The following KCNMA1 variants were observed in gnomAD, a reference collection of about 807,000 sequenced individuals.
The protein encoded by KCNMA1 is potassium calcium-activated channel subfamily M alpha 1.
A neutral mutation model predicts 140.0 loss-of-function variants in KCNMA1; 29 were observed. The observed-to-expected ratio is 0.21, with a 90% CI of 0.15 to 0.28. The LOEUF (loss-of-function observed/expected upper bound fraction) is 0.28, where lower values mean the gene tolerates loss of function less well. KCNMA1 is among the 10% of genes least tolerant of loss of function. The pLI, the probability that KCNMA1 is intolerant of heterozygous loss-of-function variation, is 1.00. For missense variants in KCNMA1, 880 were observed against 1,602.2 expected, an observed-to-expected ratio of 0.55 and a Z score of 7.70; for synonymous variants, 612 against 611.9, an observed-to-expected ratio of 1.00 and a Z score of 0.00.
chr10:77,108,464 C>T lies in KCNMA1; in HGVS notation c.1223+17G>A, dbSNP rs753635312. 12 of 1,611,128 alleles carry T rather than the reference C, an allele frequency of 7.4e-6. No individual in the cohort carries two copies. Among genetic ancestry groups the T allele is most frequent in the Non-Finnish European group, 1.0e-5 (12 of 1,177,688 alleles). ...TTCTACCGCAGCAGAGGCAGCAAAA[C>T]CTCTTGGCATACTTACTTTCTTCCA... On this transcript the variant is annotated intron_variant, in intron 9 of 27. Transcript: ENST00000286628. This position sits in a 1 kb window ranked among gnomAD's most constrained non-coding sequence, Gnocchi z 4.6.
intron 1 of KCNMA1, among the ~76,000 whole-genome samples, chr10:77,407,038 C>T (rs1281036260): frequency 6.6e-6 from 1 of 152,108 alleles, no homozygotes; most frequent in African/African-American, 2.4e-5. Context: ...ATTTCGCCAG[C>T]CCTCTTACCT....
chr10:77,486,261 C>A (rs753239783), intron 1 of KCNMA1, among the ~76,000 whole-genome samples: 20 of 152,152 alleles, frequency 1.3e-4, no homozygotes, highest in Admixed American at 4.6e-4. Flanking sequence ...CATCTCCTCC[C>A]TCCCCTTCCC....
Position 77,008,123 on chromosome 10 carries a change from T to A in KCNMA1, c.2092+3844A>T. ...AACTGTACAGAAAATTAAAAGAGTA[T>A]CTCTTCTAGAGAAAGACAGGGGGAA... On this transcript the variant is annotated intron_variant, in intron 18 of 27. Transcript: ENST00000286628. 2.8e-6 allele frequency: 4 copies of A among 1,451,380 alleles called. No homozygotes were observed. The African/African-American group carries it at 4.2e-5, about 15-fold the overall frequency. The allele number at this position is 1,451,380 out of a possible 1,614,324, so 89.9% of individuals were successfully genotyped here.
chr10:77,602,734 G>A (rs1367894758), intron 1 of KCNMA1, among the ~76,000 whole-genome samples: 1 of 152,088 alleles, frequency 6.6e-6, no homozygotes, highest in South Asian at 2.1e-4. Context: ...CACCCCACAC[G>A]GGCATTTGTT....
At chr10:77,327,783 CA>C (rs66708485) in intron 2 of KCNMA1, among the ~76,000 whole-genome samples, 33 of 146,514 alleles carry the variant, frequency 2.3e-4, no homozygotes, top group South Asian at 4.3e-4. Context: ...TAGCCCACTG[CA>C]AAAAAAAAAA....
chr10:77,508,746 C>T (rs898506050), intron 1 of KCNMA1, among the ~76,000 whole-genome samples: 3 of 151,958 alleles, frequency 2.0e-5, no homozygotes, highest in African/African-American at 4.8e-5. Flanking sequence ...TCACCATCCA[C>T]GTCCAGAATT....
At chr10:77,431,681 TAAAAAA>T (rs71028276) in intron 1 of KCNMA1, among the ~76,000 whole-genome samples, 1 of 75,436 alleles carries the variant, frequency 1.3e-5, no homozygotes, top group South Asian at 5.6e-4. Flanking sequence ...TGGTCTGTTG[TAAAAAA>T]AAAAAAAAAA....
chr10:76,960,211 C>T (rs1200602551), intron 20 of KCNMA1, among the ~76,000 whole-genome samples: 1 of 152,164 alleles, frequency 6.6e-6, no homozygotes, highest in Non-Finnish European at 1.5e-5. Context: ...CCAGTGTCCA[C>T]AGCTAGAAAT....
At chr10:77,305,519 C>T (rs1160413977) in intron 2 of KCNMA1, among the ~76,000 whole-genome samples, 1 of 152,206 alleles carries the variant, frequency 6.6e-6, no homozygotes, top group Non-Finnish European at 1.5e-5. Context: ...TTCCTCTTTA[C>T]ATCTCTTCAG....
At chr10:77,571,218 C>A (rs1397777879) in intron 1 of KCNMA1, among the ~76,000 whole-genome samples, 1 of 152,160 alleles carries the variant, frequency 6.6e-6, no homozygotes, top group East Asian at 1.9e-4. Context: ...TCTGTTGTTT[C>A]TGCTGACTTT....
intron 1 of KCNMA1, among the ~76,000 whole-genome samples, chr10:77,460,794 A>G (rs905509016): frequency 4.6e-5 from 7 of 152,094 alleles, no homozygotes; most frequent in Non-Finnish European, 1.0e-4. Context: ...TGGGACGGTG[A>G]GGGGGTGTGG....
intron 1 of KCNMA1, among the ~76,000 whole-genome samples, chr10:77,560,117 A>T (rs1052771653): frequency 2.0e-5 from 3 of 152,124 alleles, no homozygotes; most frequent in Non-Finnish European, 2.9e-5. Flanking sequence ...CTGGAGGTGG[A>T]GGCTGCAGTG....
intron 23 of KCNMA1, among the ~76,000 whole-genome samples, chr10:76,921,285 C>T (rs1454877665): frequency 1.3e-5 from 2 of 152,034 alleles, no homozygotes; most frequent in Non-Finnish European, 2.9e-5. Context: ...AGGGAAAGAT[C>T]ACCTTTAAAA....
At chr10:77,508,526 A>G (rs538318231) in intron 1 of KCNMA1, among the ~76,000 whole-genome samples, 17 of 149,524 alleles carry the variant, frequency 1.1e-4, no homozygotes, top group African/African-American at 3.9e-4. Context: ...CAAAATAAAT[A>G]TCACATAAAA....
Position 76,949,231 on chromosome 10 carries a change from G to C in KCNMA1, c.2620C>G (p.Leu874Val). The change falls in exon 22 of 28, where the codon CTC becomes GTC. Residue 874 changes from leucine to valine, a missense_variant. This residue lies in a region of KCNMA1 where 82 missense variants were observed against 170.1 expected (regional missense o/e 0.48). Coordinates refer to ENST00000286628, the MANE Select transcript of KCNMA1 (RefSeq NM_001161352.2). ...LRASNFHYHE[L>V]KHIVFVGSIE... is the part of the protein sequence containing the mutation. Reference sequence around the variant, plus strand: ...GAGCCCACAAACACAATGTGCTTGAGCTCATGGTAATGAAAGTTGCTGGCA... The same window carrying C: ...GAGCCCACAAACACAATGTGCTTGACCTCATGGTAATGAAAGTTGCTGGCA... 1 of 1,614,168 alleles carries C rather than the reference G, an allele frequency of 6.2e-7. No homozygotes were observed. Among genetic ancestry groups the C allele is most frequent in the Non-Finnish European group, 8.5e-7 (1 of 1,180,020 alleles).
intron 1 of KCNMA1, among the ~76,000 whole-genome samples, chr10:77,534,849 T>C (rs1484201522): frequency 6.6e-6 from 1 of 152,206 alleles, no homozygotes; most frequent in Non-Finnish European, 1.5e-5. Context: ...ACCCACAGCC[T>C]ACAACCCATA....
intron 5 of KCNMA1, among the ~76,000 whole-genome samples, chr10:77,173,078 T>C (rs1179614832): frequency 2.0e-5 from 3 of 152,170 alleles, no homozygotes; most frequent in African/African-American, 7.2e-5. Flanking sequence ...GATACAAACA[T>C]TCAGACCATA....
intron 1 of KCNMA1, among the ~76,000 whole-genome samples, chr10:77,592,926 A>G (rs2079669031): frequency 6.6e-6 from 1 of 152,170 alleles, no homozygotes; most frequent in South Asian, 2.1e-4. Flanking sequence ...AATAAAGACC[A>G]AGGTTGAGAC....
At chr10:77,043,195 A>G (rs2094838720) in intron 14 of KCNMA1, among the ~76,000 whole-genome samples, 1 of 152,260 alleles carries the variant, frequency 6.6e-6, no homozygotes, top group Admixed American at 6.5e-5. Context: ...AGTAGCATCG[A>G]ATCAACTGAA....
Sources: allele counts gnomAD v4.1 joint callset (sites outside exome capture counted in the v4.1 genomes callset), GRCh38; gene constraint gnomAD v4.1.1; regional missense constraint gnomAD v4.1.1; non-coding constraint Gnocchi (gnomAD v3.1); transcripts MANE v1.5; gene names NCBI Gene and HGNC (gene_info 2026-07-23, HGNC 2026-07-21).